The following ASPH variants were observed in gnomAD, a reference collection of about 807,000 sequenced individuals.
ASPH encodes aspartyl/asparaginyl beta-hydroxylase.
In ASPH, 100 loss-of-function variants were observed where a neutral mutation model predicts 118.4. The observed-to-expected ratio is 0.84, with a 90% CI of 0.72 to 1.00. The LOEUF is 1.00. Among genes scored for constraint, ASPH ranks in the 50% least tolerant of loss-of-function variants. The probability of loss-of-function intolerance (pLI) is 0.00; values close to 1 mark genes in which losing one functional copy is unlikely to be tolerated. For synonymous variants in ASPH, 315 were observed against 325.6 expected (o/e 0.97, Z 0.35); for missense variants, 920 against 919.5 (o/e 1.00, Z -0.01).
intron 24 of ASPH, among the ~76,000 whole-genome samples, chr8:61,509,424 C>G (rs1215306251): frequency 6.6e-6 from 1 of 152,156 alleles, no homozygotes; most frequent in Non-Finnish European, 1.5e-5. Flanking sequence ...CCTGACATTG[C>G]CATGGCATCT....
intron 18 of ASPH, among the ~76,000 whole-genome samples, 179 bp downstream of exon 18, chr8:61,562,565 A>C (rs1830374941): frequency 6.6e-6 from 1 of 152,224 alleles, no homozygotes; most frequent in Admixed American, 6.5e-5. Flanking sequence ...AAGATTTAAA[A>C]ATCTTCTGAT....
intron 10 of ASPH, 79 bp from the exon 11 acceptor site, chr8:61,638,442 G>GACAAT: frequency 4.9e-6 from 6 of 1,235,616 alleles, no homozygotes; most frequent in Middle Eastern, 1.9e-4. Context: ...TAAGGGCAGA[G>GACAAT]ACAATGCCTT....
chr8:61,660,142 C>T (rs1816054724), intron 3 of ASPH: 1 of 152,058 alleles, frequency 6.6e-6, no homozygotes, highest in African/African-American at 2.4e-5. Flanking sequence ...CAACCCTTGT[C>T]TCCCTCCCTC....
chr8:61,616,046 T>C (rs1848901393), intron 14 of ASPH, among the ~76,000 whole-genome samples: 1 of 152,218 alleles, frequency 6.6e-6, no homozygotes, highest in South Asian at 2.1e-4. Context: ...TTTAATTCTG[T>C]CTATTCCTGC....
intron 14 of ASPH, among the ~76,000 whole-genome samples, chr8:61,610,591 G>T (rs1248378062): frequency 6.6e-6 from 1 of 152,206 alleles, no homozygotes; most frequent in Non-Finnish European, 1.5e-5. Flanking sequence ...AAATCTTTAA[G>T]AGCAGTTATC....
chr8:61,578,567 CA>C, intron 15 of ASPH: 1 of 1,522,418 alleles, frequency 6.6e-7, no homozygotes, highest in Non-Finnish European at 9.1e-7. Flanking sequence ...AGCAGCAGAA[CA>C]AGATGCTGGA....
Position 61,560,301 on chromosome 8 carries a change from A to G in ASPH, c.1437+2443T>C, listed in dbSNP as rs117619862. ...ATCCCAGGAGGGGCCGCAAAAAGCC[A>G]CAGACTGGAGCAAATGATGTCACAC... On this transcript the variant is annotated intron_variant, in intron 18 of 24. Transcript: ENST00000379454. Among the ~76,000 whole-genome samples, 193 of 152,360 alleles carry G rather than the reference A, an allele frequency of 1.3e-3. 1 individual carries two copies. In the East Asian group the frequency reaches 0.032, roughly 25 times the overall value.
chr8:61,692,313 T>G (rs773527538), intron 1 of ASPH, among the ~76,000 whole-genome samples: 1 of 152,230 alleles, frequency 6.6e-6, no homozygotes, highest in Non-Finnish European at 1.5e-5. Context: ...TAATGACAAT[T>G]CATTTTTATG....
chr8:61,594,113 A>G (rs1278744791), intron 14 of ASPH, among the ~76,000 whole-genome samples: 5 of 152,210 alleles, frequency 3.3e-5, no homozygotes. Flanking sequence ...CTGTGTAGAC[A>G]TAAATGGTGC....
intron 2 of ASPH, among the ~76,000 whole-genome samples, chr8:61,683,058 T>C (rs899374507): frequency 6.6e-6 from 1 of 152,072 alleles, no homozygotes; most frequent in African/African-American, 2.4e-5. Flanking sequence ...TTTAAAAACA[T>C]TATGCTAAGT....
chr8:61,613,432 T>C (rs1243386380), intron 14 of ASPH, among the ~76,000 whole-genome samples: 1 of 152,250 alleles, frequency 6.6e-6, no homozygotes, highest in Non-Finnish European at 1.5e-5. Flanking sequence ...CACCATCCTG[T>C]TGGTTTTGTT....
intron 13 of ASPH, among the ~76,000 whole-genome samples, chr8:61,628,162 C>T (rs1853802023): frequency 6.6e-6 from 1 of 151,416 alleles, no homozygotes; most frequent in Non-Finnish European, 1.5e-5. Context: ...GGCAAAGATC[C>T]AAACTTTTAT....
chr8:61,675,783 T>A, intron 3 of ASPH: 1 of 1,180,980 alleles, frequency 8.5e-7, no homozygotes, highest in Non-Finnish European at 1.0e-6. Flanking sequence ...AATACATGAG[T>A]TGAAACAAAA....
At chr8:61,600,238 T>G (rs1482663373) in intron 14 of ASPH, among the ~76,000 whole-genome samples, 1 of 152,092 alleles carries the variant, frequency 6.6e-6, no homozygotes, top group East Asian at 1.9e-4. Context: ...CTCAACATAA[T>G]AAAGGCCATG....
chr8:61,546,128 C>T (rs193035736), intron 21 of ASPH, among the ~76,000 whole-genome samples: 3 of 152,336 alleles, frequency 2.0e-5, no homozygotes, highest in African/African-American at 7.2e-5. Context: ...ACTCTCTCCC[C>T]CTCTCTTCCA....
chr8:61,576,729 T>C (rs532158834), intron 16 of ASPH, 43 bp downstream of exon 16: 13 of 1,537,456 alleles, frequency 8.5e-6, no homozygotes, highest in Non-Finnish European at 1.1e-5. Flanking sequence ...ACAAAACACA[T>C]GAACATCAAA....
At chr8:61,712,006 C>A (rs1416870552) in intron 1 of ASPH, among the ~76,000 whole-genome samples, 2 of 152,074 alleles carry the variant, frequency 1.3e-5, no homozygotes, top group Non-Finnish European at 1.5e-5. Context: ...ACTAGAGAAC[C>A]TAAAATTCAA....
chr8:61,524,548 A>G (rs1278502603), intron 22 of ASPH, among the ~76,000 whole-genome samples: 1 of 152,196 alleles, frequency 6.6e-6, no homozygotes, highest in Non-Finnish European at 1.5e-5. Context: ...CAATGGGAAT[A>G]AGAATTTAAC....
intron 18 of ASPH, among the ~76,000 whole-genome samples, chr8:61,562,389 CTGTGTGTGTGTG>C (rs150312211): frequency 1.6e-5 from 2 of 128,994 alleles, no homozygotes; most frequent in Admixed American, 8.1e-5. Flanking sequence ...GAAAGTGTGT[CTGTGTGTGTGTG>C]TGTGTGTGTG....
Sources: gnomAD v4.1 joint callset for allele counts (sites outside exome capture counted in the v4.1 genomes callset) on GRCh38, gnomAD v4.1.1 for gene constraint, MANE v1.5 for transcripts, NCBI Gene and HGNC (gene_info 2026-07-23, HGNC 2026-07-21) for gene names.